Variants in TMEM179B observed in about 807,000 individuals in gnomAD.
TMEM179B encodes transmembrane protein 179B.
In TMEM179B, 13 loss-of-function variants were observed where a neutral mutation model predicts 18.0. That is an observed-to-expected ratio of 0.72 (90% confidence interval 0.47 to 1.15). TMEM179B has a LOEUF of 1.15. Ranked by LOEUF, TMEM179B falls within the 50% of genes most tolerant of loss-of-function variation. The pLI is 0.00. For synonymous variants in TMEM179B, 159 were observed against 117.5 expected, an observed-to-expected ratio of 1.35 and a Z score of -2.29; for missense variants, 320 against 270.6, an observed-to-expected ratio of 1.18 and a Z score of -1.28.
Position 62,789,334 on chromosome 11 carries a change from A to G in TMEM179B, c.327A>G (p.Ile109Met), listed in dbSNP as rs1457851858. Residue 109 changes from isoleucine to methionine, a missense_variant, in exon 3 of 5, where the codon ATA becomes ATG. Physicochemically the swap from Ile to Met is conservative, Grantham distance 10. Coordinates refer to ENST00000333449, the MANE Select transcript of TMEM179B (RefSeq NM_199337.3). ...GLRIALAISA[I>M]AVFLVLVSAC... ...GCATTGCACTGGCCATCTCAGCTAT[A>G]GCCGTCTTCCTGGTCTTGGTGTCTG... 6.2e-7 allele frequency: 1 copy of G among 1,613,662 alleles called. No individual in the cohort carries two copies. The highest frequency in any genetic ancestry group is 8.5e-7 in the Non-Finnish European group (1 of 1,179,922).
rs942806701 is a variant in TMEM179B, at chr11:62,788,899, T to C, written c.97-124T>C. Reference sequence around the variant, plus strand: ...ATATCCCTGTCCCAGAAATAGGAATTGACGGTGCACAAATAACTTCCTGGA... The same window carrying C: ...ATATCCCTGTCCCAGAAATAGGAATCGACGGTGCACAAATAACTTCCTGGA... On this transcript the variant is annotated intron_variant, in intron 1 of 4. Transcript: ENST00000333449. 7.4e-6 allele frequency: 8 copies of C among 1,078,240 alleles called. No homozygotes were observed. The African/African-American group carries it at 1.3e-4, about 17-fold the overall frequency. The allele number at this position is 1,078,240 out of a possible 1,614,324, so 66.8% of individuals were successfully genotyped here.
chr11:62,790,309 A>G lies in TMEM179B; in HGVS notation c.*262A>G, dbSNP rs74629351. 306 of 544,760 alleles carry G rather than the reference A, an allele frequency of 5.6e-4. 1 individual carries two copies. Among genetic ancestry groups the G allele is most frequent in the African/African-American group, 5.0e-3 (265 of 52,960 alleles). The allele number at this position is 544,760 out of a possible 1,614,324, so 33.7% of individuals were successfully genotyped here. A position where few individuals can be genotyped will look rare whatever the true frequency, so the allele number is the denominator to read the frequency against. On this transcript the variant is annotated 3_prime_UTR_variant, in exon 5 of 5. Coordinates refer to ENST00000333449, the MANE Select transcript of TMEM179B (RefSeq NM_199337.3). ...AGGAAGGAGTGAAGGCTAAGCAGACATGGACTGAAACTTAGAGGTACTGTT... is the reference window on the plus strand; with the variant it reads ...AGGAAGGAGTGAAGGCTAAGCAGACGTGGACTGAAACTTAGAGGTACTGTT...
At position 62,789,691 on chromosome 11, in the gene TMEM179B, G is replaced by A; in HGVS notation, c.498+12G>A. ...TACACAATGCTGAAGTGAGACCCAA[G>A]GATAGGAGGAAAAACTGACATAAAT... is the stretch of plus-strand genomic sequence containing the variant. On this transcript the variant is annotated intron_variant, in intron 4 of 4. Transcript: ENST00000333449. The A allele has an allele frequency of 2.0e-6, 3 of 1,534,572 alleles. No homozygotes were observed. The highest frequency in any genetic ancestry group is 2.6e-6 in the Non-Finnish European group (3 of 1,143,762).
chr11:62,789,840 T>G, intron 4 of TMEM179B, 46 bp from the exon 5 acceptor site: 1 of 1,589,824 alleles, frequency 6.3e-7, no homozygotes, highest in Non-Finnish European at 8.6e-7. Context: ...AAGGACTGGA[T>G]TTGAAATGGT....
intron 1 of TMEM179B, chr11:62,787,791 T>G (rs2084305965): frequency 4.4e-6 from 3 of 676,716 alleles, no homozygotes; most frequent in African/African-American, 3.5e-5. Context: ...TCGGGTTTCG[T>G]GGCTCCTGCT....
At position 62,789,055 on chromosome 11, in the gene TMEM179B, T is replaced by C; in HGVS notation, c.129T>C (p.Gly43=). Residue 43 remains glycine (G), a synonymous_variant, in exon 2 of 5, where the codon GGT becomes GGC. Coordinates refer to ENST00000333449, the MANE Select transcript of TMEM179B (RefSeq NM_199337.3). ...TCAGTGGTAGATGTCCCCTGTATGG[T>C]GTGGCCACCCTGAATGGCTCCTCCC... ...GSFSGRCPLY[G]VATLNGSSLA... is the part of the protein sequence containing the mutation. 1 of 1,614,144 alleles carries C rather than the reference T, an allele frequency of 6.2e-7. No individual in the cohort carries two copies. Among genetic ancestry groups the C allele is most frequent in the Non-Finnish European group, 8.5e-7 (1 of 1,179,994 alleles).
intron 1 of TMEM179B, 111 bp downstream of exon 1, chr11:62,787,638 G>C (rs572874869): frequency 8.2e-6 from 11 of 1,336,542 alleles, no homozygotes; most frequent in Non-Finnish European, 1.1e-5. Flanking sequence ...CGGTGGACCT[G>C]GTGAGGCACG....
In TMEM179B at chr11:62,790,101, A is replaced by C; in HGVS notation, c.*54A>C. 7.5e-6 allele frequency: 11 copies of C among 1,468,122 alleles called. No homozygotes were observed. The highest frequency in any genetic ancestry group is 7.2e-6 in the Non-Finnish European group (8 of 1,105,788). The allele number at this position is 1,468,122 out of a possible 1,614,324, so 90.9% of individuals were successfully genotyped here. ...AAGACTCCATGCCCAAGTGCCTGTA[A>C]TCCCCCCCCTCAAGGCCCTGTTTAT... On this transcript the variant is annotated 3_prime_UTR_variant, in exon 5 of 5. Coordinates refer to ENST00000333449, the MANE Select transcript of TMEM179B (RefSeq NM_199337.3).
Position 62,789,587 on chromosome 11 carries a change from C to T in TMEM179B, c.420-14C>T, listed in dbSNP as rs974727758. ...CTATCACGCTTTCTCACAACTGTCT[C>T]TTTGACCTCACAGCTGTTCTGAAGC... On this transcript the variant is annotated splice_polypyrimidine_tract_variant and intron_variant, in intron 3 of 4. Coordinates refer to ENST00000333449, the MANE Select transcript of TMEM179B (RefSeq NM_199337.3). 2 of 1,550,276 alleles carry T rather than the reference C, an allele frequency of 1.3e-6. No homozygotes were observed. The highest frequency in any genetic ancestry group is 1.3e-5 in the South Asian group (1 of 79,286).
chr11:62,789,420 C>T lies in TMEM179B; in HGVS notation c.413C>T (p.Thr138Ile), dbSNP rs1221925457. 4.3e-6 allele frequency: 7 copies of T among 1,613,748 alleles called. No homozygotes were observed. The highest frequency in any genetic ancestry group is 1.3e-5 in the African/African-American group (1 of 74,888). Residue 138 changes from threonine (T) to isoleucine (I), a missense_variant, in exon 3 of 5, where the codon ACA becomes ATA. Thr to Ile is a moderately conservative substitution (Grantham distance 89, BLOSUM62 -1). Coordinates refer to ENST00000333449, the MANE Select transcript of TMEM179B (RefSeq NM_199337.3). ...AACTCCATCATCTCCTTGAACACTA[C>T]AATTAGGTAATGGGAGAGGGAGGGA... ...LCNSIISLNT[T>I]ISCSEAQKIP... is the part of the protein sequence containing the mutation.
rs2084330308 is a variant in TMEM179B at position 62,789,311 on chromosome 11, A to G, written c.304A>G (p.Ile102Val). ...DSHRGAIGLR[I>V]ALAISAIAVF... is the part of the protein sequence containing the mutation. ...TTTCAGAGGTGCTATAGGGCTGCGCATTGCACTGGCCATCTCAGCTATAGC... is the reference window on the plus strand; with the variant it reads ...TTTCAGAGGTGCTATAGGGCTGCGCGTTGCACTGGCCATCTCAGCTATAGC... The change falls in exon 3 of 5, where the codon ATT (isoleucine) becomes GTT (valine). Residue 102 changes from isoleucine to valine, a missense_variant. By Grantham distance (29) the Ile-to-Val change is conservative (BLOSUM62 3). Transcript: ENST00000333449. The G allele has an allele frequency of 3.7e-6, 6 of 1,613,332 alleles. No individual in the cohort carries two copies. In the South Asian group the frequency reaches 4.4e-5, roughly 12 times the overall value.
chr11:62,790,161 G>T lies in TMEM179B; in HGVS notation c.*114G>T, dbSNP rs1037012340. On this transcript the variant is annotated 3_prime_UTR_variant, in exon 5 of 5. Coordinates refer to ENST00000333449, the MANE Select transcript of TMEM179B (RefSeq NM_199337.3). Reference sequence around the variant, plus strand: ...CTTAGTTTTCCTTTCGTTGGGGGGTGGGGGGGAAACATAATGACAGGCCCC... The same window carrying T: ...CTTAGTTTTCCTTTCGTTGGGGGGTTGGGGGGAAACATAATGACAGGCCCC... 9.9e-6 allele frequency: 12 copies of T among 1,216,364 alleles called. No individual in the cohort carries two copies. The highest frequency in any genetic ancestry group is 9.2e-5 in the African/African-American group (6 of 65,028). 75.3% of individuals were successfully genotyped at this position (1,216,364 alleles called of 1,614,324 possible).
rs1386402452 is a variant in TMEM179B, at chr11:62,787,685, A to G, written c.96+158A>G. On this transcript the variant is annotated intron_variant, in intron 1 of 4. Coordinates refer to ENST00000333449, the MANE Select transcript of TMEM179B (RefSeq NM_199337.3). ...CCTGTACCTGAAATGCAGCGAGGCTAATCGCGCTTTGTGGCTCCTCCTGGC... is the reference window on the plus strand; with the variant it reads ...CCTGTACCTGAAATGCAGCGAGGCTGATCGCGCTTTGTGGCTCCTCCTGGC... 4.0e-6 allele frequency: 4 copies of G among 993,064 alleles called. 1 individual carries two copies. The highest frequency in any genetic ancestry group is 5.8e-6 in the Non-Finnish European group (4 of 694,102). The allele number at this position is 993,064 out of a possible 1,614,324, so 61.5% of individuals were successfully genotyped here.
At chr11:62,787,689 G>T in intron 1 of TMEM179B, 162 bp downstream of exon 1, 1 of 898,904 alleles carries the variant, frequency 1.1e-6, no homozygotes, top group Admixed American at 2.8e-5. Context: ...GAGGCTAATC[G>T]CGCTTTGTGG....
Position 62,789,372 on chromosome 11 carries a change from G to C in TMEM179B, c.365G>C (p.Arg122Pro). The change falls in exon 3 of 5, where the codon CGA becomes CCA. Residue 122 changes from arginine to proline, a missense_variant. Transcript: ENST00000333449. ...FLVLVSACIL[R>P]FGTRSLCNSI... is the part of the protein sequence containing the mutation. ...GTCTTGGTGTCTGCCTGTATCCTTC[G>C]ATTTGGCACCAGGTCTCTCTGCAAC... 1 of 1,613,834 alleles carries C rather than the reference G, an allele frequency of 6.2e-7. No homozygotes were observed.
In TMEM179B at chr11:62,789,114, G is replaced by A; in HGVS notation, c.188G>A (p.Cys63Tyr). ...TCCCGTCCCTCAGCACCATCCCTGTGCTACTTTGTAGCTGGGGCCTCTGGC... is the reference window on the plus strand; with the variant it reads ...TCCCGTCCCTCAGCACCATCCCTGTACTACTTTGTAGCTGGGGCCTCTGGC... Reference protein sequence around the residue: ...ALSRPSAPSLCYFVAGASGLL... With the variant: ...ALSRPSAPSLYYFVAGASGLL... Residue 63 changes from cysteine (C) to tyrosine (Y), a missense_variant, in exon 2 of 5, where the codon TGC becomes TAC. Physicochemically the swap from Cys to Tyr is radical, Grantham distance 194. Coordinates refer to ENST00000333449, the MANE Select transcript of TMEM179B (RefSeq NM_199337.3). The A allele has an allele frequency of 6.2e-7, 1 of 1,614,210 alleles. No individual in the cohort carries two copies. The highest frequency in any genetic ancestry group is 8.5e-7 in the Non-Finnish European group (1 of 1,180,038).
chr11:62,789,528 A>G, intron 3 of TMEM179B, 73 bp from the exon 4 acceptor site: 1 of 1,583,750 alleles, frequency 6.3e-7, no homozygotes, highest in Non-Finnish European at 8.6e-7. Context: ...CTCAACTCAC[A>G]GGGCACTGGG....
rs868362026 is a variant in TMEM179B at position 62,788,138 on chromosome 11, C to G, written c.96+611C>G. The stretch of plus-strand genomic sequence containing the variant: ...CAGAGATCCGCCGGGCGCGGTGACT[C>G]ACGCCTGTAATCCCAGCACTTTGGG... On this transcript the variant is annotated intron_variant, in intron 1 of 4. Transcript: ENST00000333449. Among the ~76,000 whole-genome samples the G allele has an allele frequency of 2.3e-4, 35 of 152,376 alleles. 1 individual carries two copies. In the South Asian group the frequency reaches 5.0e-3, roughly 22 times the overall value.
At position 62,787,429 on chromosome 11, in the gene TMEM179B, G is replaced by C. The variant is rs1239658911; in HGVS notation, c.-3G>C. Reference sequence around the variant, plus strand: ...AGCGGCGCTTCCTGGTGGTCAGGGCGCCATGGCGCTGTCCTGGCTGCAGCG... The same window carrying C: ...AGCGGCGCTTCCTGGTGGTCAGGGCCCCATGGCGCTGTCCTGGCTGCAGCG... On this transcript the variant is annotated 5_prime_UTR_variant, in exon 1 of 5. Transcript: ENST00000333449. The C allele has an allele frequency of 1.3e-6, 2 of 1,561,416 alleles. No individual in the cohort carries two copies. The highest frequency in any genetic ancestry group is 2.7e-5 in the African/African-American group (2 of 73,034).
Sources: allele counts gnomAD v4.1 joint callset (sites outside exome capture counted in the v4.1 genomes callset), GRCh38; gene constraint gnomAD v4.1.1; transcripts MANE v1.5; gene names NCBI Gene and HGNC (gene_info 2026-07-23, HGNC 2026-07-21).